The following ACSL5 variants were observed in gnomAD, a reference collection of about 807,000 sequenced individuals.
ACSL5 encodes the protein long-chain-fatty-acid--CoA ligase 5.
A neutral mutation model predicts 84.9 loss-of-function variants in ACSL5; 50 were observed. The observed-to-expected ratio is 0.59, with a 90% CI of 0.47 to 0.75. ACSL5 has a LOEUF of 0.75. Ranked by LOEUF, ACSL5 falls within the 30% of genes least tolerant of loss-of-function variation. ACSL5 has a pLI of 0.00. For synonymous variants in ACSL5, 280 were observed against 300.7 expected (o/e 0.93, Z 0.71); for missense variants, 775 against 830.4 (o/e 0.93, Z 0.82).
chr10:112,397,145 T>A (rs1843764821), intron 2 of ACSL5, among the ~76,000 whole-genome samples: 1 of 151,130 alleles, frequency 6.6e-6, no homozygotes, highest in South Asian at 2.1e-4. Context: ...ACATTTCAGA[T>A]AGATTCCTAG....
At chr10:112,413,356 A>G in intron 12 of ACSL5, 49 bp downstream of exon 12, 1 of 1,605,448 alleles carries the variant, frequency 6.2e-7, no homozygotes, top group South Asian at 1.1e-5. Flanking sequence ...GCCTGCACGA[A>G]GGAACTCTGT....
Position 112,413,313 on chromosome 10 carries a change from AAC to A in ACSL5, c.1083+7_1083+8del. On this transcript the variant is annotated splice_region_variant and intron_variant, in intron 12 of 20. Transcript: ENST00000354655. Reference sequence around the variant, plus strand: ...TTAACAGGATCTACGATAAGGTACTAACTTTCAGCTGAAGGGACTGTCTGTGA... The same window carrying A: ...TTAACAGGATCTACGATAAGGTACTATTTCAGCTGAAGGGACTGTCTGTGA... The A allele has an allele frequency of 6.2e-7, 1 of 1,613,980 alleles. No homozygotes were observed. Among genetic ancestry groups the A allele is most frequent in the South Asian group, 1.1e-5 (1 of 91,084 alleles).
chr10:112,427,188 A>G (rs761067419), intron 20 of ACSL5, 30 bp from the exon 21 acceptor site: 1 of 1,591,188 alleles, frequency 6.3e-7, no homozygotes. Flanking sequence ...ATCACTAATG[A>G]GCATGGATGT....
intron 2 of ACSL5, among the ~76,000 whole-genome samples, chr10:112,397,328 C>T (rs943493570): frequency 6.6e-6 from 1 of 151,994 alleles, no homozygotes; most frequent in African/African-American, 2.4e-5. Flanking sequence ...TGCCACCACA[C>T]CCAGCTAATT....
chr10:112,402,411 C>A (rs180819055), intron 3 of ACSL5, among the ~76,000 whole-genome samples: 1 of 152,300 alleles, frequency 6.6e-6, no homozygotes. Flanking sequence ...ATGGAGTAAG[C>A]ATTTAATAAA....
intron 5 of ACSL5, among the ~76,000 whole-genome samples, chr10:112,405,098 G>A (rs1167515211): frequency 6.6e-6 from 1 of 152,124 alleles, no homozygotes; most frequent in Non-Finnish European, 1.5e-5. Context: ...AGCTAGGAGG[G>A]ACCGCCAAAT....
chr10:112,375,176 C>T (rs936433298), intron 1 of ACSL5: 1 of 152,196 alleles, frequency 6.6e-6, no homozygotes, highest in Non-Finnish European at 1.5e-5. Flanking sequence ...CTCTGCCATC[C>T]TCTGCTCTCC....
chr10:112,418,603 A>G (rs1450881788), intron 14 of ACSL5, among the ~76,000 whole-genome samples: 2 of 152,140 alleles, frequency 1.3e-5, no homozygotes, highest in African/African-American at 4.8e-5. Context: ...AATAAAAAAA[A>G]TACTTGACTC....
chr10:112,426,209 C>A, intron 18 of ACSL5, 49 bp from the exon 19 acceptor site: 1 of 1,439,274 alleles, frequency 6.9e-7, no homozygotes, highest in Non-Finnish European at 9.8e-7. Context: ...GGGGGACATC[C>A]CTACATAACT....
rs971842959 is a variant in ACSL5, at chr10:112,428,132, G to T, written c.*774G>T. 1.0e-5 allele frequency: 3 copies of T among 286,126 alleles called. No homozygotes were observed. The highest frequency in any genetic ancestry group is 6.5e-5 in the African/African-American group (3 of 46,198). The allele number at this position is 286,126 out of a possible 1,614,324, so 17.7% of individuals were successfully genotyped here. ...GCTGAGCTGGAAGCTGTGGGGGAAG[G>T]AGTTGACAGGTGGGCCCAGTGAACT... On this transcript the variant is annotated 3_prime_UTR_variant, in exon 21 of 21. Coordinates refer to ENST00000354655, the MANE Select transcript of ACSL5 (RefSeq NM_203379.2).
chr10:112,423,342 C>T (rs971385885), intron 17 of ACSL5, among the ~76,000 whole-genome samples: 2 of 143,910 alleles, frequency 1.4e-5, no homozygotes, highest in Non-Finnish European at 3.0e-5. Flanking sequence ...ATAGGAGCTG[C>T]CAAAGCTAGA....
chr10:112,426,457 C>A, intron 19 of ACSL5, 98 bp downstream of exon 19: 2 of 972,776 alleles, frequency 2.1e-6, no homozygotes, highest in Non-Finnish European at 3.2e-6. Context: ...GTGGCTGCAG[C>A]CCAAACAGAC....
intron 1 of ACSL5, chr10:112,376,435 G>A (rs375111541): frequency 2.8e-5 from 45 of 1,614,122 alleles, no homozygotes; most frequent in South Asian, 2.4e-4. Context: ...TGAGAGATGC[G>A]GCCCCCTCGC....
At chr10:112,406,105 A>G (rs1844031520) in intron 5 of ACSL5, 1 of 152,134 alleles carries the variant, frequency 6.6e-6, no homozygotes, top group African/African-American at 2.4e-5. Flanking sequence ...GTTCAAACCC[A>G]TGTGTTCAAG....
chr10:112,397,961 T>C (rs1843783976), intron 2 of ACSL5, among the ~76,000 whole-genome samples: 1 of 151,870 alleles, frequency 6.6e-6, no homozygotes, highest in Non-Finnish European at 1.5e-5. Flanking sequence ...CTCCTCCATA[T>C]ATATACACAC....
At position 112,409,587 on chromosome 10, in the gene ACSL5, A is replaced by T; in HGVS notation, c.613A>T (p.Ser205Cys). The T allele has an allele frequency of 6.2e-7, 1 of 1,614,142 alleles. No individual in the cohort carries two copies. ...IGNVEKGFTP[S>C]LKVIILMDPF... ...GAATGTAGAGAAAGGCTTCACCCCG[A>T]GCCTGAAGGTGATCATCCTTATGGA... is the stretch of plus-strand genomic sequence containing the variant. Residue 205 changes from serine to cysteine, a missense_variant, in exon 7 of 21, where the codon AGC becomes TGC. Ser to Cys is a moderately radical substitution (Grantham distance 112, BLOSUM62 -1). Coordinates refer to ENST00000354655, the MANE Select transcript of ACSL5 (RefSeq NM_203379.2).
chr10:112,404,924 A>C, intron 5 of ACSL5, 118 bp downstream of exon 5: 2 of 900,128 alleles, frequency 2.2e-6, no homozygotes, highest in South Asian at 3.3e-5. Flanking sequence ...CTATTGTTAA[A>C]ATTTTCTAAT....
rs1354117062 is a variant in ACSL5 at position 112,427,961 on chromosome 10, C to CAA, written c.*605_*606dup. 6.5e-6 allele frequency: 1 copy of CAA among 153,848 alleles called. No homozygotes were observed. Among genetic ancestry groups the CAA allele is most frequent in the East Asian group, 1.9e-4 (1 of 5,286 alleles). 9.5% of individuals were successfully genotyped at this position (153,848 alleles called of 1,614,324 possible). On this transcript the variant is annotated 3_prime_UTR_variant, in exon 21 of 21. Transcript: ENST00000354655. ...ACTGAAGGGAAAAGTTTGATCATAC[C>CAA]AAACATTTCCTAAACTCTCTAGTTA...
chr10:112,422,725 G>A (rs889696100), intron 17 of ACSL5, among the ~76,000 whole-genome samples: 1 of 151,526 alleles, frequency 6.6e-6, no homozygotes, highest in Non-Finnish European at 1.5e-5. Flanking sequence ...GCATGGTAAC[G>A]GGCACCTGTA....
Sources: gnomAD v4.1 joint callset for allele counts (sites outside exome capture counted in the v4.1 genomes callset) on GRCh38, gnomAD v4.1.1 for gene constraint, MANE v1.5 for transcripts, NCBI Gene and HGNC (gene_info 2026-07-23, HGNC 2026-07-21) for gene names.